OR5A1: variants seen among roughly 807,000 people sequenced by gnomAD.
The protein encoded by OR5A1 is olfactory receptor family 5 subfamily A member 1.
In OR5A1, 6 loss-of-function variants were observed where a neutral mutation model predicts 6.7. The ratio of observed to expected loss-of-function variants is 0.89; its 90% confidence interval spans 0.49 to 1.76. The LOEUF (loss-of-function observed/expected upper bound fraction) is 1.76, where lower values mean the gene tolerates loss of function less well. Ranked by LOEUF, OR5A1 falls within the 40% of genes most tolerant of loss-of-function variation. The pLI, the probability that OR5A1 is intolerant of heterozygous loss-of-function variation, is 0.01. For missense variants in OR5A1, 378 were observed against 381.7 expected (o/e 0.99, Z 0.08); for synonymous variants, 170 against 155.0 (o/e 1.10, Z -0.72).
Position 59,443,804 on chromosome 11 carries a change from A to G in OR5A1, c.636A>G (p.Thr212=). The G allele has an allele frequency of 2.5e-6, 4 of 1,613,810 alleles. No homozygotes were observed. Among genetic ancestry groups the G allele is most frequent in the Non-Finnish European group, 2.5e-6 (3 of 1,179,802 alleles). Residue 212 remains threonine (T), a synonymous_variant, in exon 2 of 2, where the codon ACA becomes ACG. Transcript: ENST00000641045. ...TCGTGGTGGTCACTGTCGGAGGAAC[A>G]TCGTTCCTCCAACTCCTTATCTCCT... ...NFLVVVTVGG[T]SFLQLLISYG...
chr11:59,436,991 C>T (rs1858423795), intron 1 of OR5A1, among the ~76,000 whole-genome samples, 156 bp downstream of exon 1: 1 of 152,126 alleles, frequency 6.6e-6, no homozygotes, highest in East Asian at 1.9e-4. Context: ...TCAAATTCAG[C>T]CAAATCTTTT....
In OR5A1 at chr11:59,446,373, T is replaced by C. The variant is rs1014830823; in HGVS notation, c.*2257T>C. 6 of 152,224 alleles carry C rather than the reference T, an allele frequency of 3.9e-5. No homozygotes were observed. Among genetic ancestry groups the C allele is most frequent in the Admixed American group, 1.3e-4 (2 of 15,282 alleles). The allele number at this position is 152,224 out of a possible 1,614,324, so 9.4% of individuals were successfully genotyped here. On this transcript the variant is annotated 3_prime_UTR_variant, in exon 2 of 2. Transcript: ENST00000641045. ...CTGTTTTTGTACAAGTACCATGTTG[T>C]TTTGGTTACCATAGACTTGTAGTAT...
chr11:59,443,012 A>G (rs889147843), intron 1 of OR5A1, 124 bp from the exon 2 acceptor site: 4 of 606,236 alleles, frequency 6.6e-6, no homozygotes, highest in Non-Finnish European at 1.2e-5. Flanking sequence ...TGAGACTGAG[A>G]CTGAGAAAGA....
rs1236516484 is a variant in OR5A1 at position 59,451,319 on chromosome 11, TC to T, written c.*7206del. On this transcript the variant is annotated 3_prime_UTR_variant, in exon 2 of 2. Coordinates refer to ENST00000641045, the MANE Select transcript of OR5A1 (RefSeq NM_001004728.2). ...TCAAACTCATGAGCTCAAGAGATCC[TC>T]CCTCCTTGGCCTCCTAATATATTTA... The T allele has an allele frequency of 3.3e-5, 5 of 152,112 alleles. No homozygotes were observed. Among genetic ancestry groups the T allele is most frequent in the Admixed American group, 6.6e-5 (1 of 15,254 alleles). 9.4% of individuals were successfully genotyped at this position (152,112 alleles called of 1,614,324 possible). A position where few individuals can be genotyped will look rare whatever the true frequency, so the allele number is the denominator to read the frequency against.
intron 1 of OR5A1, among the ~76,000 whole-genome samples, chr11:59,437,420 A>C (rs1858429136): frequency 6.6e-6 from 1 of 152,176 alleles, no homozygotes; most frequent in African/African-American, 2.4e-5. Flanking sequence ...TATAGGTGGA[A>C]TCATACCCTA....
chr11:59,443,807 G>T lies in OR5A1; in HGVS notation c.639G>T (p.Ser213=), dbSNP rs770324514. 8 of 1,614,044 alleles carry T rather than the reference G, an allele frequency of 5.0e-6. No individual in the cohort carries two copies. The highest frequency in any genetic ancestry group is 3.3e-4 in the Middle Eastern group (2 of 6,060). ...TGGTGGTCACTGTCGGAGGAACATC[G>T]TTCCTCCAACTCCTTATCTCCTATG... ...FLVVVTVGGT[S]FLQLLISYGY... is the part of the protein sequence containing the mutation. The change falls in exon 2 of 2, where the codon TCG becomes TCT. Residue 213 remains serine (S), a synonymous_variant. Coordinates refer to ENST00000641045, the MANE Select transcript of OR5A1 (RefSeq NM_001004728.2).
chr11:59,450,586 G>T lies in OR5A1; in HGVS notation c.*6470G>T, dbSNP rs1260432801. 1.3e-5 allele frequency: 2 copies of T among 152,112 alleles called. No homozygotes were observed. The highest frequency in any genetic ancestry group is 2.9e-5 in the Non-Finnish European group (2 of 68,020). 9.4% of individuals were successfully genotyped at this position (152,112 alleles called of 1,614,324 possible). ...TGTAAATAGGTATAATACTTTTTCT[G>T]ATTTTCATAATCAGAAGCCATTTAA... On this transcript the variant is annotated 3_prime_UTR_variant, in exon 2 of 2. Transcript: ENST00000641045.
intron 1 of OR5A1, among the ~76,000 whole-genome samples, chr11:59,440,700 C>T (rs72923328): frequency 0.04 from 6,073 of 152,232 alleles, 261 homozygotes; most frequent in African/African-American, 0.1. Context: ...CATCTGCTCT[C>T]GATTATGCCA....
In OR5A1 at chr11:59,445,763, G is replaced by A. The variant is rs1858540863; in HGVS notation, c.*1647G>A. 6.6e-6 allele frequency: 1 copy of A among 152,146 alleles called. No individual in the cohort carries two copies. Among genetic ancestry groups the A allele is most frequent in the African/African-American group, 2.4e-5 (1 of 41,436 alleles). 9.4% of individuals were successfully genotyped at this position (152,146 alleles called of 1,614,324 possible). On this transcript the variant is annotated 3_prime_UTR_variant, in exon 2 of 2. Transcript: ENST00000641045. Reference sequence around the variant, plus strand: ...TATTTGCATTTCTCTAATAATTAGTGATGTTGAGCTTTTTTTCATATGTTT... The same window carrying A: ...TATTTGCATTTCTCTAATAATTAGTAATGTTGAGCTTTTTTTCATATGTTT...
At position 59,436,745 on chromosome 11, in the gene OR5A1, A is replaced by C. The variant is rs1338689776; in HGVS notation, c.-124A>C. On this transcript the variant is annotated 5_prime_UTR_variant, in exon 1 of 2. Transcript: ENST00000641045. Reference sequence around the variant, plus strand: ...ACTCATTAGCACTTTGGTAATTGGAAGCAGCCACTGAAACCCAATTAAACT... The same window carrying C: ...ACTCATTAGCACTTTGGTAATTGGACGCAGCCACTGAAACCCAATTAAACT... 6.6e-6 allele frequency: 1 copy of C among 152,196 alleles called. No individual in the cohort carries two copies. Among genetic ancestry groups the C allele is most frequent in the Non-Finnish European group, 1.5e-5 (1 of 68,048 alleles). 9.4% of individuals were successfully genotyped at this position (152,196 alleles called of 1,614,324 possible). A position where few individuals can be genotyped will look rare whatever the true frequency, so the allele number is the denominator to read the frequency against.
At chr11:59,441,217 T>C (rs1369115387) in intron 1 of OR5A1, among the ~76,000 whole-genome samples, 2 of 152,178 alleles carry the variant, frequency 1.3e-5, no homozygotes, top group South Asian at 2.1e-4. Context: ...CTATAATATA[T>C]ACAAGTTACA....
Position 59,445,533 on chromosome 11 carries a change from G to A in OR5A1, c.*1417G>A, listed in dbSNP as rs892530989. 3.9e-5 allele frequency: 6 copies of A among 152,096 alleles called. No individual in the cohort carries two copies. The highest frequency in any genetic ancestry group is 1.4e-4 in the African/African-American group (6 of 41,414). The allele number at this position is 152,096 out of a possible 1,614,324, so 9.4% of individuals were successfully genotyped here. A position where few individuals can be genotyped will look rare whatever the true frequency, so the allele number is the denominator to read the frequency against. On this transcript the variant is annotated 3_prime_UTR_variant, in exon 2 of 2. Coordinates refer to ENST00000641045, the MANE Select transcript of OR5A1 (RefSeq NM_001004728.2). ...CCTTTGGATATATACCCAGTAATAA[G>A]ATTGCTGGGTCAAATGATATTTCCA... is the stretch of plus-strand genomic sequence containing the variant.
In OR5A1 at chr11:59,443,251, C is replaced by A. The variant is rs769968355; in HGVS notation, c.83C>A (p.Ala28Asp). The A allele has an allele frequency of 6.2e-7, 1 of 1,613,980 alleles. No individual in the cohort carries two copies. Among genetic ancestry groups the A allele is most frequent in the Non-Finnish European group, 8.5e-7 (1 of 1,179,936 alleles). Residue 28 changes from alanine (A) to aspartate (D), a missense_variant, in exon 2 of 2, where the codon GCC (alanine) becomes GAC (aspartate). Transcript: ENST00000641045. ...LGFTDHPELQ[A>D]LLFVTFLGIY... Reference sequence around the variant, plus strand: ...TTCACAGACCATCCAGAACTCCAGGCCCTCCTCTTTGTGACCTTCCTGGGC... The same window carrying A: ...TTCACAGACCATCCAGAACTCCAGGACCTCCTCTTTGTGACCTTCCTGGGC...
chr11:59,438,212 A>C (rs896828985), intron 1 of OR5A1, among the ~76,000 whole-genome samples: 15 of 152,186 alleles, frequency 9.9e-5, no homozygotes, highest in Admixed American at 9.8e-4. Flanking sequence ...ATCCAGCCTC[A>C]GGTAGTCCTG....
rs1245993675 is a variant in OR5A1, at chr11:59,443,207, C to A, written c.39C>A (p.Thr13=). The change falls in exon 2 of 2, where the codon ACC becomes ACA. Residue 13 remains threonine (T), a synonymous_variant. Coordinates refer to ENST00000641045, the MANE Select transcript of OR5A1 (RefSeq NM_001004728.2). The part of the protein sequence containing the change: ...ITKAWNSSSV[T]MFILLGFTDH... The stretch of plus-strand genomic sequence containing the variant: ...AAGCCTGGAACAGCTCATCAGTGAC[C>A]ATGTTCATCCTCCTGGGATTCACAG... 6 of 1,614,072 alleles carry A rather than the reference C, an allele frequency of 3.7e-6. No homozygotes were observed. The highest frequency in any genetic ancestry group is 1.3e-5 in the African/African-American group (1 of 75,034).
rs148495656 is a variant in OR5A1 at position 59,443,893 on chromosome 11, A to C, written c.725A>C (p.Asn242Thr). 659 of 1,614,068 alleles carry C rather than the reference A, an allele frequency of 4.1e-4. No homozygotes were observed. In the African/African-American group the frequency reaches 8.0e-3, roughly 19 times the overall value. ...GCAGAGGGCCGATGGAAAGCCTGCA[A>C]CACGTGTGCCTCGCATCTGATGGTG... ...PSAEGRWKAC[N>T]TCASHLMVVT... The change falls in exon 2 of 2, where the codon AAC (asparagine) becomes ACC (threonine). Residue 242 changes from asparagine to threonine, a missense_variant. Coordinates refer to ENST00000641045, the MANE Select transcript of OR5A1 (RefSeq NM_001004728.2).
At chr11:59,438,351 T>C (rs193185576) in intron 1 of OR5A1, among the ~76,000 whole-genome samples, 1 of 152,338 alleles carries the variant, frequency 6.6e-6, no homozygotes, top group African/African-American at 2.4e-5. Context: ...GCATTTTTTT[T>C]AAGTCTTCAG....
chr11:59,439,269 C>G (rs1417253731), intron 1 of OR5A1, among the ~76,000 whole-genome samples: 1 of 152,140 alleles, frequency 6.6e-6, no homozygotes, highest in Non-Finnish European at 1.5e-5. Flanking sequence ...AAGGTCTGTG[C>G]TAGGTGCTTG....
In OR5A1 at chr11:59,443,813, C is replaced by A. The variant is rs1290670656; in HGVS notation, c.645C>A (p.Leu215=). The stretch of plus-strand genomic sequence containing the variant: ...TCACTGTCGGAGGAACATCGTTCCT[C>A]CAACTCCTTATCTCCTATGGTTACA... The part of the protein sequence containing the change: ...VVVTVGGTSF[L]QLLISYGYIV... Residue 215 remains leucine (L), a synonymous_variant, in exon 2 of 2, where the codon CTC becomes CTA. Transcript: ENST00000641045. 1.2e-6 allele frequency: 2 copies of A among 1,614,128 alleles called. No homozygotes were observed. The highest frequency in any genetic ancestry group is 2.2e-5 in the South Asian group (2 of 91,070).
Sources: gnomAD v4.1 joint callset for allele counts (sites outside exome capture counted in the v4.1 genomes callset) on GRCh38, gnomAD v4.1.1 for gene constraint, MANE v1.5 for transcripts, NCBI Gene and HGNC (gene_info 2026-07-23, HGNC 2026-07-21) for gene names.